Variants in RGPD2 observed in about 807,000 individuals in gnomAD.
RGPD2 encodes RANBP2-like and GRIP domain-containing protein 2.
In RGPD2, 2 loss-of-function variants were observed where a neutral mutation model predicts 36.0. The ratio of observed to expected loss-of-function variants is 0.06; its 90% CI spans 0.02 to 0.17. The LOEUF (loss-of-function observed/expected upper bound fraction) is 0.17. RGPD2 is among the 10% of genes least tolerant of loss of function. RGPD2 has a pLI of 1.00. For synonymous variants in RGPD2, 19 were observed against 163.8 expected, an observed-to-expected ratio of 0.12 and a Z score of 6.75; for missense variants, 40 against 464.3, an observed-to-expected ratio of 0.09 and a Z score of 8.40.
At chr2:87,965,204 AAT>A in the RGPD2 span, among the ~76,000 whole-genome samples, 7 of 139,744 alleles carry the variant, frequency 5.0e-5, no homozygotes, top group South Asian at 1.8e-3. Context: ...GATGAGTATC[AAT>A]AGTCTCCAAA....
At chr2:87,969,758 G>A in the RGPD2 span, among the ~76,000 whole-genome samples, 547 of 133,926 alleles carry the variant, frequency 4.1e-3, 5 homozygotes, top group African/African-American at 0.013. Context: ...GTGTCACTTT[G>A]TATGTTAAAA....
chr2:87,964,125 G>A, the RGPD2 span, among the ~76,000 whole-genome samples: 12 of 152,104 alleles, frequency 7.9e-5, no homozygotes, highest in Admixed American at 3.3e-4. Flanking sequence ...GGCATCCACC[G>A]CGCCCAGCAT....
the RGPD2 span, among the ~76,000 whole-genome samples, chr2:87,930,832 GTTTTTTTTT>G: frequency 7.3e-6 from 1 of 137,036 alleles, no homozygotes; most frequent in Non-Finnish European, 1.6e-5. Flanking sequence ...ATTTCTTCCA[GTTTTTTTTT>G]TTTTTTTAGT....
the RGPD2 span, among the ~76,000 whole-genome samples, chr2:87,964,002 A>T: frequency 2.7e-5 from 4 of 150,710 alleles, no homozygotes; most frequent in Non-Finnish European, 5.9e-5. Flanking sequence ...CACCTGGCTA[A>T]TTGTTGTATT....
At chr2:87,967,037 CCAGCAAG>C in the RGPD2 span, among the ~76,000 whole-genome samples, 1 of 103,118 alleles carries the variant, frequency 9.7e-6, no homozygotes, top group African/African-American at 4.0e-5. Flanking sequence ...CATTACTTAA[CCAGCAAG>C]CAGATTGATT....
the RGPD2 span, among the ~76,000 whole-genome samples, chr2:87,842,602 G>C: frequency 1.4e-5 from 2 of 146,576 alleles, no homozygotes; most frequent in East Asian, 4.0e-4. Context: ...TCATGGGTAG[G>C]AAGAATCAAT....
chr2:87,966,202 T>C, the RGPD2 span, among the ~76,000 whole-genome samples: 1 of 152,268 alleles, frequency 6.6e-6, no homozygotes, highest in African/African-American at 2.4e-5. Context: ...AGTCTTCTAA[T>C]GCCTGGTCTC....
the RGPD2 span, among the ~76,000 whole-genome samples, chr2:87,957,481 T>C: frequency 3.3e-5 from 5 of 152,110 alleles, no homozygotes; most frequent in Admixed American, 1.3e-4. Context: ...ATTTGTTCTC[T>C]GGTGAAGACC....
the RGPD2 span, among the ~76,000 whole-genome samples, chr2:87,883,355 G>A: frequency 6.6e-6 from 1 of 151,750 alleles, no homozygotes; most frequent in African/African-American, 2.4e-5. Flanking sequence ...ATGCAGTACA[G>A]AAGGCCATCA....
the RGPD2 span, among the ~76,000 whole-genome samples, chr2:87,924,441 T>C: frequency 0.04 from 5,858 of 148,220 alleles, no homozygotes; most frequent in Middle Eastern, 0.085. Context: ...TTCTCAGCTT[T>C]TCTGTTTTAC....
At chr2:87,857,649 G>C in the RGPD2 span, among the ~76,000 whole-genome samples, 4 of 151,766 alleles carry the variant, frequency 2.6e-5, no homozygotes, top group East Asian at 8.0e-4. Flanking sequence ...ACTTAAAATA[G>C]TAGTCGAGGC....
At chr2:87,869,023 G>A in the RGPD2 span, among the ~76,000 whole-genome samples, 1 of 152,000 alleles carries the variant, frequency 6.6e-6, no homozygotes, top group Non-Finnish European at 1.5e-5. Context: ...GTGAGGTCTT[G>A]ATGAATTTGG....
chr2:87,884,108 G>A, the RGPD2 span, among the ~76,000 whole-genome samples: 7 of 152,212 alleles, frequency 4.6e-5, no homozygotes, highest in East Asian at 1.9e-4. Context: ...ATTTTCCATC[G>A]TAATGGTGTG....
the RGPD2 span, among the ~76,000 whole-genome samples, chr2:87,872,842 C>T: frequency 1.3e-5 from 2 of 151,936 alleles, no homozygotes; most frequent in East Asian, 1.9e-4. Flanking sequence ...TCACTGCAAC[C>T]TCTGCTTCCC....
intron 20 of RGPD2, among the ~76,000 whole-genome samples, chr2:87,781,464 G>GTTTTTTTTTTTTTT (rs879124297): frequency 1.8e-5 from 2 of 112,612 alleles, no homozygotes; most frequent in Non-Finnish European, 3.7e-5. Flanking sequence ...TTGTTTTTTT[G>GTTTTTTTTTTTTTT]TTTTTTTTTT....
the RGPD2 span, among the ~76,000 whole-genome samples, chr2:87,964,892 T>A: frequency 7.2e-6 from 1 of 138,400 alleles, no homozygotes; most frequent in Non-Finnish European, 1.6e-5. Flanking sequence ...TGAGTCTAGG[T>A]GTTGCCCATG....
intron 4 of RGPD2, among the ~76,000 whole-genome samples, chr2:87,815,201 T>C (rs1686251135): frequency 6.9e-6 from 1 of 144,490 alleles, no homozygotes; most frequent in South Asian, 2.1e-4. Context: ...TATTGTGCTT[T>C]GGTCGGGTTA....
upstream of RGPD2, among the ~76,000 whole-genome samples, chr2:87,830,055 G>GA (rs372874598): frequency 1.4e-3 from 209 of 145,136 alleles, no homozygotes; most frequent in Non-Finnish European, 2.6e-3. Context: ...ACCCAAATGG[G>GA]AAAAAATGGC....
the RGPD2 span, among the ~76,000 whole-genome samples, chr2:87,986,776 A>C: frequency 6.6e-6 from 1 of 151,112 alleles, no homozygotes; most frequent in Admixed American, 6.6e-5. Flanking sequence ...GCTACTCAGG[A>C]GGCTGAGGCA....
Sources: allele counts gnomAD v4.1 joint callset (sites outside exome capture counted in the v4.1 genomes callset), GRCh38; gene constraint gnomAD v4.1.1; transcripts MANE v1.5; gene names NCBI Gene and HGNC (gene_info 2026-07-23, HGNC 2026-07-21).